Variants in DOCK1 observed in about 807,000 individuals in gnomAD.
DOCK1 encodes dedicator of cytokinesis protein 1.
DOCK1 carries 138 observed loss-of-function variants against 262.7 expected under a neutral mutation model. That is an observed-to-expected ratio of 0.53 (90% CI 0.46 to 0.61). The LOEUF is 0.61. Ranked by LOEUF, DOCK1 falls within the 20% of genes least tolerant of loss-of-function variation. The pLI is 0.00. For synonymous variants in DOCK1, 866 were observed against 867.4 expected, an observed-to-expected ratio of 1.00 and a Z score of 0.03; for missense variants, 1,908 against 2,370.7, an observed-to-expected ratio of 0.80 and a Z score of 4.05.
rs565933242 is a variant in DOCK1, at chr10:127,195,833, G to A, written c.2848-52175G>A. Among the ~76,000 whole-genome samples the A allele has an allele frequency of 4.5e-3, 680 of 152,260 alleles. 6 individuals carry two copies. The highest frequency in any genetic ancestry group is 0.016 in the African/African-American group (651 of 41,574). On this transcript the variant is annotated intron_variant, in intron 27 of 51. Transcript: ENST00000623213. ...CACCGGGTCCGCTCCCGGCTGCACC[G>A]GGGTGTCCCGGCCCCGGGAGCCGCC...
intron 28 of DOCK1, among the ~76,000 whole-genome samples, chr10:127,248,589 A>G (rs2059510637): frequency 6.6e-6 from 1 of 152,258 alleles, no homozygotes; most frequent in Non-Finnish European, 1.5e-5. Context: ...CAGTAAAACT[A>G]TGATACAACT....
At chr10:127,230,951 A>G (rs2058819345) in intron 27 of DOCK1, among the ~76,000 whole-genome samples, 1 of 152,034 alleles carries the variant, frequency 6.6e-6, no homozygotes, top group South Asian at 2.1e-4. Context: ...AACATAAGGT[A>G]TCTTCCATTT....
chr10:127,065,230 C>T (rs558492965), intron 23 of DOCK1, among the ~76,000 whole-genome samples: 22 of 152,150 alleles, frequency 1.4e-4, no homozygotes, highest in African/African-American at 3.9e-4. Context: ...AGGCTGGTCT[C>T]GAACACCTGA....
chr10:127,180,281 C>T (rs1183782070), intron 27 of DOCK1, among the ~76,000 whole-genome samples: 2 of 152,178 alleles, frequency 1.3e-5, no homozygotes, highest in Non-Finnish European at 2.9e-5. Context: ...GAATTCTGGA[C>T]TGAGCATGAA....
intron 1 of DOCK1, among the ~76,000 whole-genome samples, chr10:126,936,275 T>G (rs2034552951): frequency 2.0e-5 from 3 of 152,212 alleles, no homozygotes; most frequent in African/African-American, 7.2e-5. Context: ...CGTGAGCCAC[T>G]GTGCTTGGCT....
Position 127,306,101 on chromosome 10 carries a change from G to A in DOCK1, c.3045-32905G>A, listed in dbSNP as rs1022594125. ...GCGATCTCAGCTTACTGCAACCTCC[G>A]CCTCCCAGGTTCAAGCAATTCTTTT... On this transcript the variant is annotated intron_variant, in intron 29 of 51. Transcript: ENST00000623213. Among the ~76,000 whole-genome samples, 4 of 145,786 alleles carry A rather than the reference G, an allele frequency of 2.7e-5. 1 individual carries two copies. The South Asian group carries it at 8.9e-4, about 32-fold the overall frequency.
At chr10:127,342,404 C>T (rs1384573496) in intron 30 of DOCK1, among the ~76,000 whole-genome samples, 2 of 152,162 alleles carry the variant, frequency 1.3e-5, no homozygotes. Flanking sequence ...GCTCAGACCC[C>T]CATTCTGCTT....
chr10:127,284,767 A>G (rs888502049), intron 29 of DOCK1, among the ~76,000 whole-genome samples: 4 of 152,116 alleles, frequency 2.6e-5, no homozygotes, highest in Admixed American at 6.5e-5. Flanking sequence ...AACAGTAATC[A>G]TCATCATCAC....
At chr10:127,386,909 T>A (rs4750847) in intron 38 of DOCK1, among the ~76,000 whole-genome samples, 121,274 of 151,862 alleles carry the variant, frequency 0.8, 48,498 homozygotes, top group African/African-American at 0.84. Flanking sequence ...CCAATTACTA[T>A]AACTGTACTA....
chr10:127,020,964 C>T (rs1591690831), intron 13 of DOCK1, among the ~76,000 whole-genome samples: 1 of 152,160 alleles, frequency 6.6e-6, no homozygotes, highest in South Asian at 2.1e-4. Flanking sequence ...ATGAAGGATC[C>T]AGGCAGGCGA....
intron 27 of DOCK1, among the ~76,000 whole-genome samples, chr10:127,191,339 G>A (rs1305704002): frequency 2.0e-5 from 3 of 152,046 alleles, no homozygotes; most frequent in Non-Finnish European, 4.4e-5. Flanking sequence ...ACATTGCCTT[G>A]GCCACTGCTG....
Position 126,963,640 on chromosome 10 carries a change from CTCCTTCCTTCCT to C in DOCK1, c.47-7041_47-7030del, listed in dbSNP as rs1229446126. Among the ~76,000 whole-genome samples the C allele has an allele frequency of 4.6e-4, 30 of 65,128 alleles. 1 individual carries two copies. The highest frequency in any genetic ancestry group is 3.4e-3 in the South Asian group (5 of 1,466). The allele number at this position is 65,128 out of a possible 152,430, so 42.7% of individuals were successfully genotyped here. A position where few individuals can be genotyped will look rare whatever the true frequency, so the allele number is the denominator to read the frequency against. Reference sequence around the variant, plus strand: ...CTTCCCTTCCCTTCCCTTCCCTTCCCTCCTTCCTTCCTTCCTTCCTTCCTTCCTTCCTCCCTC... The same window carrying C: ...CTTCCCTTCCCTTCCCTTCCCTTCCCTCCTTCCTTCCTTCCTTCCTCCCTC... On this transcript the variant is annotated intron_variant, in intron 1 of 51. Transcript: ENST00000623213.
intron 27 of DOCK1, among the ~76,000 whole-genome samples, chr10:127,229,050 T>C (rs1190741814): frequency 1.3e-5 from 2 of 152,090 alleles, no homozygotes; most frequent in Non-Finnish European, 2.9e-5. Context: ...CTGGCCAACA[T>C]GGTGAAACCC....
intron 7 of DOCK1, among the ~76,000 whole-genome samples, chr10:126,997,278 T>C (rs2040269530): frequency 6.6e-6 from 1 of 152,182 alleles, no homozygotes; most frequent in African/African-American, 2.4e-5. Context: ...AATGGTATCA[T>C]GTATGCATTA....
chr10:127,007,981 T>G (rs1180877486), intron 10 of DOCK1, among the ~76,000 whole-genome samples: 1 of 152,230 alleles, frequency 6.6e-6, no homozygotes, highest in Non-Finnish European at 1.5e-5. Flanking sequence ...AGTGTGAGGC[T>G]TCAGAACAGT....
intron 1 of DOCK1, among the ~76,000 whole-genome samples, chr10:126,959,958 C>T (rs1425693983): frequency 7.0e-5 from 10 of 143,418 alleles, no homozygotes; most frequent in Admixed American, 4.2e-4. Flanking sequence ...TACAGGCATG[C>T]GCCACCATGC....
At chr10:126,950,715 C>T (rs1435057816) in intron 1 of DOCK1, among the ~76,000 whole-genome samples, 3 of 152,130 alleles carry the variant, frequency 2.0e-5, no homozygotes, top group African/African-American at 4.8e-5. Context: ...TGCTCTTTGC[C>T]TCAGAGTCTT....
chr10:127,410,234 G>A (rs1339125045), intron 42 of DOCK1, among the ~76,000 whole-genome samples: 2 of 152,150 alleles, frequency 1.3e-5, no homozygotes, highest in East Asian at 1.9e-4. Context: ...ACATTTTAAG[G>A]GTTGCAACAT....
chr10:126,953,017 A>T (rs2036441494), intron 1 of DOCK1, among the ~76,000 whole-genome samples: 1 of 150,850 alleles, frequency 6.6e-6, no homozygotes, highest in Admixed American at 6.6e-5. Flanking sequence ...TGGTGGTAGT[A>T]TTGTTGGTGC....
Sources: gnomAD v4.1 joint callset for allele counts (sites outside exome capture counted in the v4.1 genomes callset) on GRCh38, gnomAD v4.1.1 for gene constraint, MANE v1.5 for transcripts, NCBI Gene and HGNC (gene_info 2026-07-23, HGNC 2026-07-21) for gene names.